MAPKBP1: variants seen among roughly 807,000 people sequenced by gnomAD.
MAPKBP1 encodes mitogen-activated protein kinase binding protein 1.
A neutral mutation model predicts 170.5 loss-of-function variants in MAPKBP1; 71 were observed. The ratio of observed to expected loss-of-function variants is 0.42; its 90% CI spans 0.34 to 0.51. The LOEUF (loss-of-function observed/expected upper bound fraction) is 0.51, where lower values mean the gene tolerates loss of function less well. Among genes scored for constraint, MAPKBP1 ranks in the 20% least tolerant of loss-of-function variants. The pLI is 0.06. For missense variants in MAPKBP1, 1,598 were observed against 1,933.0 expected, an observed-to-expected ratio of 0.83 and a Z score of 3.25; for synonymous variants, 719 against 757.9, an observed-to-expected ratio of 0.95 and a Z score of 0.84.
intron 2 of MAPKBP1, among the ~76,000 whole-genome samples, chr15:41,798,845 A>G (rs1220636941): frequency 6.6e-6 from 1 of 151,780 alleles, no homozygotes; most frequent in Non-Finnish European, 1.5e-5. Flanking sequence ...CTGAAGCCCC[A>G]CTCTCTGAGC....
chr15:41,796,539 C>G (rs1373676666), intron 2 of MAPKBP1, among the ~76,000 whole-genome samples: 1 of 152,172 alleles, frequency 6.6e-6, no homozygotes, highest in Non-Finnish European at 1.5e-5. Context: ...AAAATAAAAA[C>G]CAGCTGATGC....
In MAPKBP1 at chr15:41,823,484, C is replaced by T. The variant is rs148394675; in HGVS notation, c.3636C>T (p.Gly1212=). ...CCAGTCTGCAGGCCCCTTCACCAGG[C>T]GCACTGCTGTCTCGGGAGATCGAAG... is the stretch of plus-strand genomic sequence containing the variant. The part of the protein sequence containing the change: ...HEASLQAPSP[G]ALLSREIEAQ... Residue 1212 remains glycine (G), a synonymous_variant, in exon 29 of 31, where the codon GGC becomes GGT. Transcript: ENST00000457542. The T allele has an allele frequency of 1.1e-4, 171 of 1,613,750 alleles. No individual in the cohort carries two copies. The highest frequency in any genetic ancestry group is 3.3e-4 in the Middle Eastern group (2 of 6,082).
chr15:41,815,211 G>T (rs1281610953), intron 10 of MAPKBP1, 48 bp from the exon 11 acceptor site: 1 of 1,609,930 alleles, frequency 6.2e-7, no homozygotes, highest in East Asian at 2.2e-5. Context: ...GGTAGGCAGA[G>T]GACTGCTCCC....
At chr15:41,790,827 A>G (rs1281018056) in intron 2 of MAPKBP1, among the ~76,000 whole-genome samples, 1 of 152,164 alleles carries the variant, frequency 6.6e-6, no homozygotes, top group Non-Finnish European at 1.5e-5. Flanking sequence ...ACTTTGAAGC[A>G]ACAGGAATGA....
In MAPKBP1 at chr15:41,819,621, C is replaced by T. The variant is rs2064959986; in HGVS notation, c.2452C>T (p.Arg818Ter). The T allele has an allele frequency of 5.6e-6, 9 of 1,609,402 alleles. No homozygotes were observed. Among genetic ancestry groups the T allele is most frequent in the East Asian group, 2.2e-5 (1 of 44,822 alleles). Residue 818 changes from arginine to a stop codon, truncating the protein, a stop_gained, in exon 22 of 31, where the codon CGA becomes TGA. Coordinates refer to ENST00000457542, the MANE Select transcript of MAPKBP1 (RefSeq NM_014994.3). LOFTEE classifies it high-confidence loss of function. ...CTCGGTCCCCAGCCCAGCTTTGCCC[C>T]GAAGCCTGTCCCACTGGGAGATGAG... ...LASVPSPALP[R>*]SLSHWEMSRA... is the part of the protein sequence containing the mutation.
At chr15:41,783,972 G>A (rs2064235733) in intron 2 of MAPKBP1, among the ~76,000 whole-genome samples, 1 of 152,054 alleles carries the variant, frequency 6.6e-6, no homozygotes, top group Admixed American at 6.5e-5. Context: ...TCGCGCCACT[G>A]CACTCCAGCC....
intron 3 of MAPKBP1, among the ~76,000 whole-genome samples, chr15:41,801,164 G>A (rs1005296557): frequency 6.6e-6 from 1 of 152,228 alleles, no homozygotes; most frequent in African/African-American, 2.4e-5. Context: ...GGACATTTGG[G>A]TTGTTTCTAC....
chr15:41,805,828 T>C (rs2064680408), intron 3 of MAPKBP1, among the ~76,000 whole-genome samples: 1 of 152,108 alleles, frequency 6.6e-6, no homozygotes, highest in Non-Finnish European at 1.5e-5. Context: ...GAAGAAAAGG[T>C]TGGGACTTGG....
In MAPKBP1 at chr15:41,823,799, C is replaced by A. The variant is rs374966571; in HGVS notation, c.3951C>A (p.Gly1317=). 6.2e-7 allele frequency: 1 copy of A among 1,614,126 alleles called. No individual in the cohort carries two copies. The highest frequency in any genetic ancestry group is 8.5e-7 in the Non-Finnish European group (1 of 1,180,016). The change falls in exon 29 of 31, where the codon GGC becomes GGA. Residue 1317 remains glycine, a synonymous_variant. Transcript: ENST00000457542. ...FSPVTKGRAP[G]EAEKPGFPVG... ...CTGTCACCAAAGGCCGGGCCCCTGG[C>A]GAGGCAGAAAAGCCTGGCTTCCCGG...
rs545389724 is a variant in MAPKBP1, at chr15:41,821,898, G to A, written c.2886-67G>A. On this transcript the variant is annotated intron_variant, in intron 24 of 30. Transcript: ENST00000457542. The stretch of plus-strand genomic sequence containing the variant: ...CATCCCTCACCCTGATCACAGGCAG[G>A]AGTCCAGCGGGGCTGCTGCCTACCC... 15 of 1,571,940 alleles carry A rather than the reference G, an allele frequency of 9.5e-6. No individual in the cohort carries two copies. The African/African-American group carries it at 1.8e-4, about 18-fold the overall frequency.
Position 41,814,524 on chromosome 15 carries a change from C to T in MAPKBP1, c.981-26C>T, listed in dbSNP as rs77185163. 2.3e-3 allele frequency: 3,761 copies of T among 1,606,620 alleles called. 77 individuals are homozygous for T. In the African/African-American group the frequency reaches 0.044, roughly 19 times the overall value. ...CTCTTTTCATTCCCTTCAGTCTGAC[C>T]AGTGTGCCCTGTCCTCTCCCTACAG... On this transcript the variant is annotated intron_variant, in intron 9 of 30. Transcript: ENST00000457542.
Position 41,823,477 on chromosome 15 carries a change from C to T in MAPKBP1, c.3629C>T (p.Ser1210Leu), listed in dbSNP as rs780261255. 1.2e-6 allele frequency: 2 copies of T among 1,613,706 alleles called. No homozygotes were observed. The highest frequency in any genetic ancestry group is 2.2e-5 in the South Asian group (2 of 91,024). Reference sequence around the variant, plus strand: ...CATGAGGCCAGTCTGCAGGCCCCTTCACCAGGCGCACTGCTGTCTCGGGAG... The same window carrying T: ...CATGAGGCCAGTCTGCAGGCCCCTTTACCAGGCGCACTGCTGTCTCGGGAG... ...ERHEASLQAP[S>L]PGALLSREIE... Residue 1210 changes from serine (S) to leucine (L), a missense_variant, in exon 29 of 31, where the codon TCA (serine) becomes TTA (leucine). Physicochemically the swap from Ser to Leu is moderately radical, Grantham distance 145. Coordinates refer to ENST00000457542, the MANE Select transcript of MAPKBP1 (RefSeq NM_014994.3).
chr15:41,781,079 C>G (rs1253649578), intron 2 of MAPKBP1, among the ~76,000 whole-genome samples: 1 of 137,936 alleles, frequency 7.2e-6, no homozygotes, highest in East Asian at 2.1e-4. Flanking sequence ...TTTTTTTTTT[C>G]CTTTTTTCTT....
At position 41,824,513 on chromosome 15, in the gene MAPKBP1, C is replaced by T; in HGVS notation, c.4243C>T (p.Gln1415Ter). ...AGCGGTGAGCCTGGAGCAGTGTGAG[C>T]AGCTGGTGGCAGAGCTCCGCGGCAG... ...EPAVSLEQCEQLVAELRGSVR... is the reference protein window; with the variant it reads ...EPAVSLEQCE The change falls in exon 30 of 31, where the codon CAG becomes TAG. Residue 1415 changes from glutamine to a stop codon, truncating the protein, a stop_gained. Transcript: ENST00000457542. LOFTEE classifies it high-confidence loss of function. 1 of 1,601,822 alleles carries T rather than the reference C, an allele frequency of 6.2e-7. No individual in the cohort carries two copies.
intron 2 of MAPKBP1, among the ~76,000 whole-genome samples, chr15:41,782,134 C>T (rs978741460): frequency 3.9e-4 from 58 of 149,030 alleles, no homozygotes; most frequent in African/African-American, 1.3e-3. Context: ...TGGTGGCGGG[C>T]GCCTGTAGGC....
chr15:41,776,671 T>C (rs1385416050), intron 2 of MAPKBP1, among the ~76,000 whole-genome samples: 1 of 152,246 alleles, frequency 6.6e-6, no homozygotes, highest in Non-Finnish European at 1.5e-5. Flanking sequence ...TGACCAGCAC[T>C]GTTAGAGCAA....
chr15:41,822,432 G>A lies in MAPKBP1; in HGVS notation c.3229+10G>A, dbSNP rs774294663. Reference sequence around the variant, plus strand: ...AGTGGAGCTGCTCCAGGTGTGGTCAGAGGGCCAGCATTTAGTGCCTGCAAT... The same window carrying A: ...AGTGGAGCTGCTCCAGGTGTGGTCAAAGGGCCAGCATTTAGTGCCTGCAAT... On this transcript the variant is annotated intron_variant, in intron 26 of 30. Coordinates refer to ENST00000457542, the MANE Select transcript of MAPKBP1 (RefSeq NM_014994.3). 1.3e-5 allele frequency: 21 copies of A among 1,613,048 alleles called. No individual in the cohort carries two copies. In the South Asian group the frequency reaches 2.2e-4, roughly 17 times the overall value.
In MAPKBP1 at chr15:41,815,743, G is replaced by C; in HGVS notation, c.1437G>C (p.Val479=). The change falls in exon 12 of 31, where the codon GTG becomes GTC. Residue 479 remains valine, a synonymous_variant. Transcript: ENST00000457542. ...LLDPRVGIRS[V]CVSPNGQHLA... ...ATCCCCGCGTGGGCATCCGCTCGGTGTGTGTCAGCCCCAATGGACAGCATC... is the reference window on the plus strand; with the variant it reads ...ATCCCCGCGTGGGCATCCGCTCGGTCTGTGTCAGCCCCAATGGACAGCATC... 1 of 1,614,214 alleles carries C rather than the reference G, an allele frequency of 6.2e-7. No homozygotes were observed. The highest frequency in any genetic ancestry group is 8.5e-7 in the Non-Finnish European group (1 of 1,180,040).
At chr15:41,821,502 A>G in intron 23 of MAPKBP1, 82 bp from the exon 24 acceptor site, 1 of 1,352,764 alleles carries the variant, frequency 7.4e-7, no homozygotes, top group South Asian at 1.3e-5. Context: ...GTTGGCCCCC[A>G]GGATACTCAG....
Sources: gnomAD v4.1 joint callset for allele counts (sites outside exome capture counted in the v4.1 genomes callset) on GRCh38, gnomAD v4.1.1 for gene constraint, MANE v1.5 for transcripts, NCBI Gene and HGNC (gene_info 2026-07-23, HGNC 2026-07-21) for gene names.